The following SGCZ variants were observed in gnomAD, a reference collection of about 807,000 sequenced individuals.
SGCZ encodes sarcoglycan zeta, also known as zeta-sarcoglycan.
In SGCZ, 40 loss-of-function variants were observed where a neutral mutation model predicts 41.3. The observed-to-expected ratio is 0.97, with a 90% CI of 0.75 to 1.26. The LOEUF (loss-of-function observed/expected upper bound fraction) is 1.26. Ranked by LOEUF, SGCZ falls within the 50% of genes most tolerant of loss-of-function variation. The pLI, the probability that SGCZ is intolerant of heterozygous loss-of-function variation, is 0.00. For missense variants in SGCZ, 552 were observed against 369.8 expected (o/e 1.49, Z -4.04); for synonymous variants, 206 against 137.5 (o/e 1.50, Z -3.49).
At chr8:14,474,316 A>T (rs1427949497) in intron 2 of SGCZ, among the ~76,000 whole-genome samples, 1 of 152,254 alleles carries the variant, frequency 6.6e-6, no homozygotes, top group Non-Finnish European at 1.5e-5. Context: ...TCATTTTTAA[A>T]AATCTTAAAA....
chr8:15,072,220 T>A (rs1435685489), intron 1 of SGCZ, among the ~76,000 whole-genome samples: 1 of 152,148 alleles, frequency 6.6e-6, no homozygotes. Flanking sequence ...ATCTATAGAC[T>A]GGCCACCTAG....
At position 14,131,057 on chromosome 8, in the gene SGCZ, G is replaced by A. The variant is rs139270414; in HGVS notation, c.548-22822C>T. Among the ~76,000 whole-genome samples, 882 of 152,222 alleles carry A rather than the reference G, an allele frequency of 5.8e-3. 6 individuals carry two copies. Among genetic ancestry groups the A allele is most frequent in the African/African-American group, 0.02 (838 of 41,536 alleles). Reference sequence around the variant, plus strand: ...TAACCACGAATAGGGAGATCTGTTTGGAACGCTGTCCCTCTGCAGGAGGGA... The same window carrying A: ...TAACCACGAATAGGGAGATCTGTTTAGAACGCTGTCCCTCTGCAGGAGGGA... On this transcript the variant is annotated intron_variant, in intron 5 of 7. Coordinates refer to ENST00000382080, the MANE Select transcript of SGCZ (RefSeq NM_139167.4).
chr8:14,829,730 A>C (rs551197897), intron 1 of SGCZ, among the ~76,000 whole-genome samples: 1 of 151,606 alleles, frequency 6.6e-6, no homozygotes, highest in South Asian at 2.1e-4. Context: ...TTGGATGTTT[A>C]ATTTAACTGA....
intron 1 of SGCZ, among the ~76,000 whole-genome samples, chr8:15,009,864 A>C (rs1216240208): frequency 6.6e-6 from 1 of 152,206 alleles, no homozygotes; most frequent in African/African-American, 2.4e-5. Context: ...GTCATACAAT[A>C]ATTTCCTCTG....
intron 2 of SGCZ, among the ~76,000 whole-genome samples, chr8:14,447,052 TACC>T (rs1015596744): frequency 2.0e-5 from 3 of 152,138 alleles, no homozygotes; most frequent in African/African-American, 2.4e-5. Flanking sequence ...TTCCGAGAAA[TACC>T]ACATTTTCCA....
intron 1 of SGCZ, among the ~76,000 whole-genome samples, chr8:14,801,194 G>A (rs527708595): frequency 2.0e-5 from 3 of 152,146 alleles, no homozygotes; most frequent in Non-Finnish European, 4.4e-5. Context: ...TGTTGTGTGT[G>A]TATGTGTACA....
intron 1 of SGCZ, among the ~76,000 whole-genome samples, chr8:15,054,721 G>A (rs1804641486): frequency 6.6e-6 from 1 of 151,966 alleles, no homozygotes; most frequent in Non-Finnish European, 1.5e-5. Flanking sequence ...TTAGGAGGCT[G>A]AGGCGGGCAG....
intron 5 of SGCZ, among the ~76,000 whole-genome samples, chr8:14,146,890 A>AAAAAAAT (rs1182329393): frequency 8.6e-6 from 1 of 116,186 alleles, no homozygotes; most frequent in African/African-American, 3.6e-5. Context: ...AAAATAAAAA[A>AAAAAAAT]AATAATAATA....
chr8:14,134,415 A>G lies in SGCZ; in HGVS notation c.548-26180T>C, dbSNP rs537691593. ...TAATTCTATACTATGAAGGCTAAAG[A>G]TGACAGGTATGAATGAAAGTGAACA... On this transcript the variant is annotated intron_variant, in intron 5 of 7. Transcript: ENST00000382080. 6.6e-5 allele frequency among the ~76,000 whole-genome samples: 10 copies of G among 152,296 alleles called. No individual in the cohort carries two copies. The East Asian group carries it at 1.5e-3, about 24-fold the overall frequency.
At chr8:15,111,385 T>C (rs1050756068) in intron 1 of SGCZ, among the ~76,000 whole-genome samples, 1 of 152,116 alleles carries the variant, frequency 6.6e-6, no homozygotes, top group Non-Finnish European at 1.5e-5. Context: ...GCGTGGACCA[T>C]CCCTTCATTT....
intron 2 of SGCZ, among the ~76,000 whole-genome samples, chr8:14,491,435 G>A (rs1289018196): frequency 6.6e-6 from 1 of 152,172 alleles, no homozygotes; most frequent in Non-Finnish European, 1.5e-5. Flanking sequence ...GGCGATTTGA[G>A]TGCTAAGCTG....
intron 2 of SGCZ, among the ~76,000 whole-genome samples, chr8:14,429,170 CAT>C (rs937507309): frequency 9.2e-5 from 14 of 152,232 alleles, no homozygotes; most frequent in Admixed American, 8.5e-4. Flanking sequence ...TACAGTAAAA[CAT>C]AAACATAACA....
At chr8:14,540,253 A>ATTTTTTTATT (rs1803421936) in intron 2 of SGCZ, among the ~76,000 whole-genome samples, 1 of 55,632 alleles carries the variant, frequency 1.8e-5, no homozygotes, top group African/African-American at 9.2e-5. Context: ...TTTTTTACAA[A>ATTTTTTTATT]TTTCTGTCTT....
intron 1 of SGCZ, among the ~76,000 whole-genome samples, chr8:15,105,417 G>A (rs1806784630): frequency 6.6e-6 from 1 of 152,140 alleles, no homozygotes. Context: ...CAAGAAGCAT[G>A]GCTAGGGTGC....
At chr8:14,470,852 A>G (rs890689767) in intron 2 of SGCZ, among the ~76,000 whole-genome samples, 1 of 152,138 alleles carries the variant, frequency 6.6e-6, no homozygotes, top group Non-Finnish European at 1.5e-5. Flanking sequence ...CAAAATAGGC[A>G]GTTCTTTGTG....
chr8:14,370,858 G>C (rs986373153), intron 2 of SGCZ, among the ~76,000 whole-genome samples: 4 of 151,862 alleles, frequency 2.6e-5, no homozygotes, highest in African/African-American at 7.2e-5. Context: ...TACAATGGCA[G>C]CTTGCATTTT....
chr8:14,446,076 A>G (rs1394540726), intron 2 of SGCZ, among the ~76,000 whole-genome samples: 1 of 152,156 alleles, frequency 6.6e-6, no homozygotes, highest in Non-Finnish European at 1.5e-5. Context: ...AAAATCCTGA[A>G]TCAGTTGTGC....
chr8:14,396,259 A>G (rs1429094863), intron 2 of SGCZ, among the ~76,000 whole-genome samples: 1 of 152,170 alleles, frequency 6.6e-6, no homozygotes, highest in East Asian at 1.9e-4. Context: ...TAAGGTAAGG[A>G]CTTAAAATGA....
chr8:14,493,355 C>CTTTTTTTTTTTTTTTTTTTTTTTTTT (rs1563365484), intron 2 of SGCZ, among the ~76,000 whole-genome samples: 1 of 66,242 alleles, frequency 1.5e-5, no homozygotes, highest in Non-Finnish European at 3.0e-5. Flanking sequence ...CACTATCATC[C>CTTTTTTTTTTTTTTTTTTTTTTTTTT]TTTCTTTTTT....
Sources: allele counts gnomAD v4.1 joint callset (sites outside exome capture counted in the v4.1 genomes callset), GRCh38; gene constraint gnomAD v4.1.1; transcripts MANE v1.5; gene names NCBI Gene and HGNC (gene_info 2026-07-23, HGNC 2026-07-21).